SEC61A2: variants seen among roughly 807,000 people sequenced by gnomAD.
SEC61A2 encodes protein transport protein Sec61 subunit alpha isoform 2.
SEC61A2 carries 28 observed loss-of-function variants against 59.9 expected under a neutral mutation model. That is an observed-to-expected ratio of 0.47 (90% CI 0.35 to 0.64). The LOEUF (loss-of-function observed/expected upper bound fraction) is 0.64. Among genes scored for constraint, SEC61A2 ranks in the 30% least tolerant of loss-of-function variants. SEC61A2 has a pLI of 0.01. For synonymous variants in SEC61A2, 202 were observed against 214.4 expected, an observed-to-expected ratio of 0.94 and a Z score of 0.50; for missense variants, 340 against 585.9, an observed-to-expected ratio of 0.58 and a Z score of 4.33.
chr10:12,129,783 C>T lies in SEC61A2; in HGVS notation c.-5C>T. On this transcript the variant is annotated 5_prime_UTR_variant, in exon 1 of 12. Coordinates refer to ENST00000298428, the MANE Select transcript of SEC61A2 (RefSeq NM_018144.4). The surrounding 1 kb of genome is among the most constrained non-coding windows in gnomAD (Gnocchi z 5.6). ...GTTTCCCCCTGGGCCTCCCCAGCAG[C>T]AGCCATGGGCAGTGAGTAGCGGCGG... The T allele has an allele frequency of 6.8e-6, 10 of 1,473,232 alleles. No homozygotes were observed. The highest frequency in any genetic ancestry group is 9.0e-6 in the Non-Finnish European group (10 of 1,114,826). The allele number at this position is 1,473,232 out of a possible 1,614,324, so 91.3% of individuals were successfully genotyped here.
chr10:12,169,459 T>C (rs1834801880), downstream of SEC61A2: 1 of 637,100 alleles, frequency 1.6e-6, no homozygotes, highest in Non-Finnish European at 2.7e-6. This position sits in a 1 kb window ranked among gnomAD's most constrained non-coding sequence, Gnocchi z 4.8. Flanking sequence ...CTGTTTGATG[T>C]GATAGCTAAT....
At chr10:12,166,801 G>A, downstream of SEC61A2, 1 of 477,094 alleles carries the variant, frequency 2.1e-6, no homozygotes, top group Non-Finnish European at 4.3e-6. Context: ...AATGGCCCAG[G>A]AACACTGGTA....
chr10:12,146,610 C>T (rs546600244), intron 4 of SEC61A2, among the ~76,000 whole-genome samples: 4 of 151,770 alleles, frequency 2.6e-5, no homozygotes, highest in South Asian at 2.1e-4. Context: ...CTCCGCCTCC[C>T]GGGTTCACAC....
chr10:12,130,749 AT>A, intron 1 of SEC61A2: 1 of 154,288 alleles, frequency 6.5e-6, no homozygotes, highest in East Asian at 1.9e-4. Flanking sequence ...AAAATCCAAA[AT>A]ATTAGGTTGC....
Position 12,153,304 on chromosome 10 carries a change from T to C in SEC61A2, c.463-2474T>C, listed in dbSNP as rs1288784644. Among the ~76,000 whole-genome samples, 1 of 152,208 alleles carries C rather than the reference T, an allele frequency of 6.6e-6. No individual in the cohort carries two copies. Among genetic ancestry groups the C allele is most frequent in the Non-Finnish European group, 1.5e-5 (1 of 68,028 alleles). ...AGTTTTGTTTCTTTACAGCATTTTC[T>C]TTCTGCAATCCAGAGTTTAGAATAA... On this transcript the variant is annotated intron_variant, in intron 6 of 11. Coordinates refer to ENST00000298428, the MANE Select transcript of SEC61A2 (RefSeq NM_018144.4). The surrounding 1 kb of genome is among the most constrained non-coding windows in gnomAD (Gnocchi z 5.2).
Position 12,156,947 on chromosome 10 carries a change from G to T in SEC61A2, c.657G>T (p.Leu219Phe), listed in dbSNP as rs768232133. 12 of 1,613,856 alleles carry T rather than the reference G, an allele frequency of 7.4e-6. No individual in the cohort carries two copies. The highest frequency in any genetic ancestry group is 1.1e-5 in the South Asian group (1 of 91,082). ...GTGCAGTCATAGCTCTGTTCCATTT[G>T]TTGGCCACCAGGACGGACAAAGTCC... ...FEGAVIALFHLLATRTDKVRA... is the reference protein window; with the variant it reads ...FEGAVIALFHFLATRTDKVRA... Residue 219 changes from leucine (L) to phenylalanine (F), a missense_variant, in exon 8 of 12, where the codon TTG becomes TTT. This residue lies in a region of SEC61A2 where 283 missense variants were observed against 483.2 expected (regional missense o/e 0.59). Coordinates refer to ENST00000298428, the MANE Select transcript of SEC61A2 (RefSeq NM_018144.4). The surrounding 1 kb of genome is among the most constrained non-coding windows in gnomAD (Gnocchi z 5.2).
rs1198527331 is a variant in SEC61A2, at chr10:12,161,551, GTCAGCATGGTAAAACCCT to G, written c.1167+432_1167+449del. On this transcript the variant is annotated intron_variant, in intron 10 of 11. Transcript: ENST00000298428. This position sits in a 1 kb window ranked among gnomAD's most constrained non-coding sequence, Gnocchi z 5.4. ...TGGGTAGGAGATCGAGACCATCCTG[GTCAGCATGGTAAAACCCT>G]TTCTCTACTAAAAATACAAAAATTA... Among the ~76,000 whole-genome samples the G allele has an allele frequency of 1.8e-4, 27 of 152,324 alleles. No homozygotes were observed. The highest frequency in any genetic ancestry group is 1.9e-4 in the Non-Finnish European group (13 of 68,030).
chr10:12,144,492 C>T (rs1041214243), intron 4 of SEC61A2, among the ~76,000 whole-genome samples: 1 of 152,194 alleles, frequency 6.6e-6, no homozygotes, highest in Non-Finnish European at 1.5e-5. Flanking sequence ...TCAACAAATA[C>T]TTACTGAGTT....
Position 12,160,976 on chromosome 10 carries a change from T to G in SEC61A2, c.1022T>G (p.Leu341Arg). 3.1e-6 allele frequency: 5 copies of G among 1,614,114 alleles called. No individual in the cohort carries two copies. The highest frequency in any genetic ancestry group is 4.2e-6 in the Non-Finnish European group (5 of 1,179,972). ...GPARSYPVGG[L>R]CYYLSPPESM... Reference sequence around the variant, plus strand: ...GCACGTTCTTACCCAGTTGGAGGCCTTTGTTACTATCTTTCTCCTCCTGAG... The same window carrying G: ...GCACGTTCTTACCCAGTTGGAGGCCGTTGTTACTATCTTTCTCCTCCTGAG... Residue 341 changes from leucine (L) to arginine (R), a missense_variant, in exon 10 of 12, where the codon CTT becomes CGT. Transcript: ENST00000298428. The surrounding 1 kb of genome is among the most constrained non-coding windows in gnomAD (Gnocchi z 4.1).
intron 3 of SEC61A2, among the ~76,000 whole-genome samples, chr10:12,136,572 C>T (rs560639344): frequency 6.6e-6 from 1 of 152,296 alleles, no homozygotes; most frequent in African/African-American, 2.4e-5. Context: ...CCTTGGGCTC[C>T]CAAGTAGCTG....
In SEC61A2 at chr10:12,161,151, C is replaced by G. The variant is rs761206564; in HGVS notation, c.1167+30C>G. On this transcript the variant is annotated intron_variant, in intron 10 of 11. Coordinates refer to ENST00000298428, the MANE Select transcript of SEC61A2 (RefSeq NM_018144.4). This position sits in a 1 kb window ranked among gnomAD's most constrained non-coding sequence, Gnocchi z 5.4. ...GTGTTTGGTTTATTTTAAAATAAAACTCTTGGCAATGCATGGTGGCGCACA... is the reference window on the plus strand; with the variant it reads ...GTGTTTGGTTTATTTTAAAATAAAAGTCTTGGCAATGCATGGTGGCGCACA... 9 of 1,549,772 alleles carry G rather than the reference C, an allele frequency of 5.8e-6. No homozygotes were observed. In the South Asian group the frequency reaches 1.1e-4, roughly 18 times the overall value.
chr10:12,149,727 G>A lies in SEC61A2; in HGVS notation c.352+1G>A. 4 of 1,609,838 alleles carry A rather than the reference G, an allele frequency of 2.5e-6. No homozygotes were observed. The highest frequency in any genetic ancestry group is 1.1e-5 in the South Asian group (1 of 90,208). On this transcript the variant is annotated splice_donor_variant, in intron 5 of 11. Coordinates refer to ENST00000298428, the MANE Select transcript of SEC61A2 (RefSeq NM_018144.4). LOFTEE classifies it high-confidence loss of function. The surrounding 1 kb of genome is among the most constrained non-coding windows in gnomAD (Gnocchi z 5.2). ...GCTTTATTCAATGGAGCCCAGAAAC[G>A]TGAGCATTAATGCAATTAAAGAGCA...
In SEC61A2 at chr10:12,149,971, C is replaced by G. The variant is rs996098657; in HGVS notation, c.462+10C>G. 4 of 1,538,404 alleles carry G rather than the reference C, an allele frequency of 2.6e-6. No homozygotes were observed. Among genetic ancestry groups the G allele is most frequent in the Non-Finnish European group, 9.0e-7 (1 of 1,111,298 alleles). Reference sequence around the variant, plus strand: ...CCTGATCATCATTCAGGTAAGAAATCCTATATTTTCCTATGCAGATAACAA... The same window carrying G: ...CCTGATCATCATTCAGGTAAGAAATGCTATATTTTCCTATGCAGATAACAA... On this transcript the variant is annotated intron_variant, in intron 6 of 11. Coordinates refer to ENST00000298428, the MANE Select transcript of SEC61A2 (RefSeq NM_018144.4). The surrounding 1 kb of genome is among the most constrained non-coding windows in gnomAD (Gnocchi z 5.2).
intron 4 of SEC61A2, among the ~76,000 whole-genome samples, chr10:12,144,169 A>G (rs1588635246): frequency 6.6e-6 from 1 of 152,086 alleles, no homozygotes; most frequent in East Asian, 1.9e-4. Flanking sequence ...TTTTTAGGTT[A>G]TAAAGGTAAT....
chr10:12,169,232 T>A, downstream of SEC61A2: 1 of 1,489,696 alleles, frequency 6.7e-7, no homozygotes, highest in South Asian at 1.2e-5. The surrounding 1 kb of genome is among the most constrained non-coding windows in gnomAD (Gnocchi z 4.8). Context: ...CCCTCACTTA[T>A]TCTATTTTTT....
rs116547113 is a variant in SEC61A2, at chr10:12,154,991, C to T, written c.463-787C>T. On this transcript the variant is annotated intron_variant, in intron 6 of 11. Transcript: ENST00000298428. The surrounding 1 kb of genome is among the most constrained non-coding windows in gnomAD (Gnocchi z 5.2). Reference sequence around the variant, plus strand: ...TGAGTGCAGGGAAGGGGTCATATGACTGAGGAGGTCACTTGAAGGGCTAGG... The same window carrying T: ...TGAGTGCAGGGAAGGGGTCATATGATTGAGGAGGTCACTTGAAGGGCTAGG... 2.6e-3 allele frequency among the ~76,000 whole-genome samples: 396 copies of T among 152,202 alleles called. 1 individual carries two copies. Among genetic ancestry groups the T allele is most frequent in the African/African-American group, 9.2e-3 (381 of 41,524 alleles).
In SEC61A2 at chr10:12,143,015, T is replaced by A. The variant is rs1834057331; in HGVS notation, c.142-102T>A. 12 of 829,718 alleles carry A rather than the reference T, an allele frequency of 1.4e-5. No individual in the cohort carries two copies. Among genetic ancestry groups the A allele is most frequent in the Non-Finnish European group, 2.3e-5 (11 of 484,234 alleles). 51.4% of individuals were successfully genotyped at this position (829,718 alleles called of 1,614,324 possible). On this transcript the variant is annotated intron_variant, in intron 3 of 11. Transcript: ENST00000298428. This position sits in a 1 kb window ranked among gnomAD's most constrained non-coding sequence, Gnocchi z 4.8. ...TCACCCAGGCTGGAGTGCAGTGGCG[T>A]GATCTCAGCTCACTGCAGCCTTTGC...
In SEC61A2 at chr10:12,157,953, C is replaced by A. The variant is rs1177374896; in HGVS notation, c.823C>A (p.Gln275Lys). ...CATTAAGTCGGCCCGTTACCGAGGA[C>A]AGTACAGCAGCTACCCCATCAAACT... The part of the protein sequence containing the change: ...LPIKSARYRG[Q>K]YSSYPIKLFY... Residue 275 changes from glutamine (Q) to lysine (K), a missense_variant, in exon 9 of 12, where the codon CAG becomes AAG. Physicochemically the swap from Gln to Lys is moderately conservative, Grantham distance 53. Transcript: ENST00000298428. 1 of 1,614,080 alleles carries A rather than the reference C, an allele frequency of 6.2e-7. No homozygotes were observed. The highest frequency in any genetic ancestry group is 1.7e-5 in the Admixed American group (1 of 60,004).
At position 12,153,912 on chromosome 10, in the gene SEC61A2, G is replaced by C; in HGVS notation, c.463-1866G>C. On this transcript the variant is annotated intron_variant, in intron 6 of 11. Coordinates refer to ENST00000298428, the MANE Select transcript of SEC61A2 (RefSeq NM_018144.4). The surrounding 1 kb of genome is among the most constrained non-coding windows in gnomAD (Gnocchi z 5.2). ...TAGTGTTTTTCAGCTAGTGAGTTTA[G>C]AAATCTACATAGCAGGTCTTGACTA... 8.8e-7 allele frequency: 1 copy of C among 1,132,544 alleles called. No individual in the cohort carries two copies. The highest frequency in any genetic ancestry group is 1.8e-5 in the South Asian group (1 of 54,112). The allele number at this position is 1,132,544 out of a possible 1,614,324, so 70.2% of individuals were successfully genotyped here.
Sources: allele counts gnomAD v4.1 joint callset (sites outside exome capture counted in the v4.1 genomes callset), GRCh38; gene constraint gnomAD v4.1.1; regional missense constraint gnomAD v4.1.1; non-coding constraint Gnocchi (gnomAD v3.1); transcripts MANE v1.5; gene names NCBI Gene and HGNC (gene_info 2026-07-23, HGNC 2026-07-21).